Variants in CNTNAP5 observed in about 807,000 individuals in gnomAD.
CNTNAP5 encodes contactin-associated protein-like 5.
Under a neutral mutation model 150.2 loss-of-function variants are expected in CNTNAP5, and 72 were observed. The ratio of observed to expected loss-of-function variants is 0.48; its 90% confidence interval spans 0.40 to 0.58. The LOEUF is 0.58. Ranked by LOEUF, CNTNAP5 falls within the 20% of genes least tolerant of loss-of-function variation. The pLI, the probability that CNTNAP5 is intolerant of heterozygous loss-of-function variation, is 0.00. For missense variants in CNTNAP5, 1,636 were observed against 1,626.2 expected, an observed-to-expected ratio of 1.01 and a Z score of -0.10; for synonymous variants, 672 against 619.8, an observed-to-expected ratio of 1.08 and a Z score of -1.25.
intron 3 of CNTNAP5, among the ~76,000 whole-genome samples, chr2:124,327,958 G>A (rs1022788376): frequency 5.3e-5 from 8 of 152,176 alleles, no homozygotes; most frequent in South Asian, 2.1e-4. Context: ...TAAGATTGTC[G>A]TGAAAATTAA....
At chr2:124,340,215 T>A (rs1689576706) in intron 3 of CNTNAP5, among the ~76,000 whole-genome samples, 1 of 152,216 alleles carries the variant, frequency 6.6e-6, no homozygotes, top group Non-Finnish European at 1.5e-5. Context: ...CAAATTTAGC[T>A]TGGCCTATGC....
chr2:124,128,460 G>C (rs1295129554), intron 1 of CNTNAP5, among the ~76,000 whole-genome samples: 1 of 152,164 alleles, frequency 6.6e-6, no homozygotes, highest in Admixed American at 6.5e-5. Context: ...TACACTGTTG[G>C]TGGGACTGTA....
intron 21 of CNTNAP5, among the ~76,000 whole-genome samples, chr2:124,885,771 A>C (rs1678068291): frequency 6.6e-6 from 1 of 152,042 alleles, no homozygotes; most frequent in South Asian, 2.1e-4. Context: ...TGATATTTAT[A>C]ATATTGCAGC....
In CNTNAP5 at chr2:124,613,961, C is replaced by T. The variant is rs1022240151; in HGVS notation, c.1876+4041C>T. 3.9e-5 allele frequency among the ~76,000 whole-genome samples: 6 copies of T among 152,166 alleles called. No homozygotes were observed. In the South Asian group the frequency reaches 6.2e-4, roughly 16 times the overall value. On this transcript the variant is annotated intron_variant, in intron 12 of 23. Transcript: ENST00000682447. The stretch of plus-strand genomic sequence containing the variant: ...CACCACAGGGCTATCAGATGGGAGA[C>T]GGGGAGAGCACAATTTTTGGTTGGA...
At chr2:124,727,625 C>T (rs1170351327) in intron 13 of CNTNAP5, among the ~76,000 whole-genome samples, 1 of 151,810 alleles carries the variant, frequency 6.6e-6, no homozygotes, top group Non-Finnish European at 1.5e-5. Flanking sequence ...ATTCATTGTT[C>T]GTATATAGAA....
intron 10 of CNTNAP5, among the ~76,000 whole-genome samples, chr2:124,554,787 C>T (rs996809594): frequency 1.3e-5 from 2 of 152,098 alleles, no homozygotes; most frequent in Non-Finnish European, 2.9e-5. Context: ...TTAAAAACTA[C>T]AAACACAAAA....
intron 3 of CNTNAP5, among the ~76,000 whole-genome samples, chr2:124,266,423 CTACTT>C (rs1354006999): frequency 2.6e-5 from 4 of 152,108 alleles, no homozygotes; most frequent in African/African-American, 9.7e-5. Flanking sequence ...CGATTTGACT[CTACTT>C]GTCTCTGGGA....
chr2:124,408,530 G>A (rs1478003987), intron 3 of CNTNAP5, among the ~76,000 whole-genome samples: 46 of 151,918 alleles, frequency 3.0e-4, no homozygotes, highest in Non-Finnish European at 8.8e-5. Flanking sequence ...CACGCAGCTG[G>A]AGATCTGAGA....
chr2:124,599,568 A>G (rs1696931451), intron 11 of CNTNAP5, among the ~76,000 whole-genome samples: 1 of 152,150 alleles, frequency 6.6e-6, no homozygotes. Context: ...CTTTGCATTT[A>G]CTTTACATAA....
chr2:124,364,424 C>G (rs933099776), intron 3 of CNTNAP5, among the ~76,000 whole-genome samples: 1 of 152,126 alleles, frequency 6.6e-6, no homozygotes, highest in South Asian at 2.1e-4. Flanking sequence ...CCCTGCTCAC[C>G]TTTTTATTTT....
At position 124,414,646 on chromosome 2, in the gene CNTNAP5, T is replaced by C. The variant is rs142985074; in HGVS notation, c.382-2797T>C. ...TTAACTCCTATAAAGCATTGCCAGG[T>C]CATGAAACAAATCTTTAATCTGGAG... On this transcript the variant is annotated intron_variant, in intron 3 of 23. Transcript: ENST00000682447. Among the ~76,000 whole-genome samples the C allele has an allele frequency of 6.1e-3, 928 of 152,256 alleles. 13 individuals carry two copies. The highest frequency in any genetic ancestry group is 0.021 in the African/African-American group (853 of 41,546).
At chr2:124,226,519 C>T (rs1294930752) in intron 2 of CNTNAP5, among the ~76,000 whole-genome samples, 1 of 151,970 alleles carries the variant, frequency 6.6e-6, no homozygotes, top group Non-Finnish European at 1.5e-5. Context: ...ATGAGATATT[C>T]GGCTTGCAAA....
At chr2:124,838,533 G>A (rs1558795483) in intron 19 of CNTNAP5, among the ~76,000 whole-genome samples, 1 of 152,140 alleles carries the variant, frequency 6.6e-6, no homozygotes, top group African/African-American at 2.4e-5. Context: ...CTTTCAGCTG[G>A]TGATCTGGGA....
At chr2:124,627,594 T>A (rs1310004962) in intron 12 of CNTNAP5, among the ~76,000 whole-genome samples, 1 of 148,200 alleles carries the variant, frequency 6.7e-6, no homozygotes, top group Non-Finnish European at 1.5e-5. Flanking sequence ...GGTAGATAAA[T>A]CCATGAAGAT....
At position 124,609,843 on chromosome 2, in the gene CNTNAP5, A is replaced by C. The variant is rs749064309; in HGVS notation, c.1799A>C (p.Asn600Thr). ...QSCEVYRHQG[N>T]TAGFFYIDSD... The stretch of plus-strand genomic sequence containing the variant: ...TGCGAGGTGTACAGGCACCAGGGGA[A>C]TACAGCCGGCTTCTTCTACATCGAC... The change falls in exon 12 of 24, where the codon AAT becomes ACT. Residue 600 changes from asparagine (N) to threonine (T), a missense_variant. Physicochemically the swap from Asn to Thr is moderately conservative, Grantham distance 65. Transcript: ENST00000682447. 3 of 1,613,944 alleles carry C rather than the reference A, an allele frequency of 1.9e-6. No individual in the cohort carries two copies. The South Asian group carries it at 3.3e-5, about 18-fold the overall frequency.
At chr2:124,186,420 G>T (rs1558792185) in intron 1 of CNTNAP5, among the ~76,000 whole-genome samples, 1 of 152,060 alleles carries the variant, frequency 6.6e-6, no homozygotes, top group Non-Finnish European at 1.5e-5. Flanking sequence ...CTTATGAAAG[G>T]TTATAAGCCT....
At chr2:124,519,014 A>AAG (rs1401947537) in intron 8 of CNTNAP5, among the ~76,000 whole-genome samples, 1 of 151,518 alleles carries the variant, frequency 6.6e-6, no homozygotes, top group Non-Finnish European at 1.5e-5. Flanking sequence ...AAAAAAAAAA[A>AAG]AAAAGTACTG....
At chr2:124,792,269 A>G (rs773678560) in intron 18 of CNTNAP5, among the ~76,000 whole-genome samples, 3 of 152,170 alleles carry the variant, frequency 2.0e-5, no homozygotes, top group Non-Finnish European at 4.4e-5. Flanking sequence ...TAAAAAATAA[A>G]CTAGTAATTA....
intron 2 of CNTNAP5, among the ~76,000 whole-genome samples, chr2:124,224,802 T>G (rs1041151295): frequency 2.6e-5 from 4 of 152,210 alleles, no homozygotes; most frequent in Middle Eastern, 3.4e-3. Context: ...TTTAGAAAGT[T>G]AAGAAGAAAA....
Sources: allele counts gnomAD v4.1 joint callset (sites outside exome capture counted in the v4.1 genomes callset), GRCh38; gene constraint gnomAD v4.1.1; transcripts MANE v1.5; gene names NCBI Gene and HGNC (gene_info 2026-07-23, HGNC 2026-07-21).